The following SYT14 variants were observed in gnomAD, a reference collection of about 807,000 sequenced individuals.
SYT14 encodes the protein synaptotagmin 14, also known as synaptotagmin-14.
Under a neutral mutation model 74.2 loss-of-function variants are expected in SYT14, and 32 were observed. That is an observed-to-expected ratio of 0.43 (90% CI 0.33 to 0.58). SYT14 has a LOEUF of 0.58. Among genes scored for constraint, SYT14 ranks in the 20% least tolerant of loss-of-function variants. The pLI is 0.05. For synonymous variants in SYT14, 298 were observed against 337.7 expected (o/e 0.88, Z 1.29); for missense variants, 791 against 981.8 (o/e 0.81, Z 2.60).
chr1:210,000,159 A>G (rs1022769839), intron 2 of SYT14, among the ~76,000 whole-genome samples: 3 of 152,182 alleles, frequency 2.0e-5, no homozygotes, highest in African/African-American at 4.8e-5. Context: ...GTATATGTAT[A>G]TATTTACTGT....
At chr1:210,160,865 T>C (rs1558231235) in exon 10 of SYT14, 3 of 1,613,900 alleles carry the variant, frequency 1.9e-6, no homozygotes, top group African/African-American at 2.7e-5. Flanking sequence ...TTCAGCTTTC[T>C]GATGTGACAC....
At chr1:209,987,885 C>G (rs1189969264) in intron 2 of SYT14, among the ~76,000 whole-genome samples, 1 of 152,014 alleles carries the variant, frequency 6.6e-6, no homozygotes, top group Non-Finnish European at 1.5e-5. Context: ...CTGACTACTT[C>G]TGTTTTTATC....
Position 210,112,507 on chromosome 1 carries a change from C to T in SYT14, c.2034+12046C>T, listed in dbSNP as rs116462898. On this transcript the variant is annotated intron_variant, in intron 7 of 9. Coordinates refer to ENST00000637265, the Ensembl canonical transcript of SYT14. The stretch of plus-strand genomic sequence containing the variant: ...GGTCCAAAAACCATTTGCCTTGTGT[C>T]GGAAGAGATTGATAAGTGGAAGTTG... 8.9e-3 allele frequency among the ~76,000 whole-genome samples: 1,346 copies of T among 151,292 alleles called. 98 individuals carry two copies. The highest frequency in any genetic ancestry group is 0.032 in the African/African-American group (1,283 of 40,656).
At chr1:210,144,500 A>T (rs934948740) in intron 7 of SYT14, among the ~76,000 whole-genome samples, 1 of 151,928 alleles carries the variant, frequency 6.6e-6, no homozygotes, top group Non-Finnish European at 1.5e-5. Flanking sequence ...TTACGAGTAC[A>T]CTATATTGCC....
At chr1:209,959,147 A>C (rs963998797) in intron 2 of SYT14, among the ~76,000 whole-genome samples, 1 of 151,988 alleles carries the variant, frequency 6.6e-6, no homozygotes, top group South Asian at 2.1e-4. Context: ...TAAATTTATT[A>C]TTATTATTTT....
At chr1:210,167,785 C>T (rs1296759704) in exon 10 of SYT14, 3 of 152,058 alleles carry the variant, frequency 2.0e-5, no homozygotes, top group African/African-American at 7.2e-5. Context: ...AAAAATATTG[C>T]TCTTTTCTCT....
chr1:210,099,685 T>A (rs2082026357), intron 6 of SYT14, among the ~76,000 whole-genome samples: 2 of 152,210 alleles, frequency 1.3e-5, no homozygotes, highest in African/African-American at 4.8e-5. Flanking sequence ...AGTAGTTTTC[T>A]ACAAAAGGAG....
At chr1:209,983,403 T>C (rs764714838) in intron 2 of SYT14, among the ~76,000 whole-genome samples, 3 of 152,172 alleles carry the variant, frequency 2.0e-5, no homozygotes, top group South Asian at 2.1e-4. Context: ...CCTTCTTTTT[T>C]TCCCCCTGCT....
At chr1:210,075,806 C>T (rs1185800126) in intron 5 of SYT14, among the ~76,000 whole-genome samples, 1 of 149,724 alleles carries the variant, frequency 6.7e-6, no homozygotes, top group Non-Finnish European at 1.5e-5. Flanking sequence ...CCCAGCACTT[C>T]CCTGCCCTCC....
At chr1:210,059,451 T>TATATATATATATATATAGAGAGAGAG (rs377050610) in intron 5 of SYT14, among the ~76,000 whole-genome samples, 3 of 69,900 alleles carry the variant, frequency 4.3e-5, no homozygotes, top group African/African-American at 2.4e-4. Flanking sequence ...TATATATATA[T>TATATATATATATATATAGAGAGAGAG]AGAGAGAGAG....
At chr1:210,138,052 A>T (rs1281793536) in intron 7 of SYT14, among the ~76,000 whole-genome samples, 1 of 152,198 alleles carries the variant, frequency 6.6e-6, no homozygotes. Context: ...ACTAAATTTT[A>T]ATCTATTGGA....
chr1:210,024,005 A>G (rs1400663259), intron 5 of SYT14, among the ~76,000 whole-genome samples: 1 of 152,230 alleles, frequency 6.6e-6, no homozygotes, highest in East Asian at 1.9e-4. Flanking sequence ...GTTTTTAAGC[A>G]GGAGAGTGTG....
intron 5 of SYT14, among the ~76,000 whole-genome samples, chr1:210,074,497 C>G (rs1033159499): frequency 3.9e-5 from 6 of 152,214 alleles, no homozygotes; most frequent in Admixed American, 3.9e-4. Context: ...TGTCACCCAA[C>G]TGCTGCCCTA....
At chr1:210,085,802 A>AT (rs1279494439) in intron 5 of SYT14, among the ~76,000 whole-genome samples, 3 of 152,010 alleles carry the variant, frequency 2.0e-5, no homozygotes, top group South Asian at 4.1e-4. Flanking sequence ...TTTTGTATAG[A>AT]TTTTTTGTAT....
chr1:210,048,400 C>G (rs954400836), intron 5 of SYT14, among the ~76,000 whole-genome samples: 5 of 152,086 alleles, frequency 3.3e-5, no homozygotes, highest in African/African-American at 1.2e-4. Context: ...CTGGGGAGGC[C>G]TCATAATCAT....
intron 5 of SYT14, among the ~76,000 whole-genome samples, chr1:210,079,352 C>G (rs1048730115): frequency 6.6e-6 from 1 of 151,972 alleles, no homozygotes; most frequent in Non-Finnish European, 1.5e-5. Flanking sequence ...ACCGTTATAT[C>G]CATGTGACAA....
intron 5 of SYT14, among the ~76,000 whole-genome samples, chr1:210,059,220 C>T (rs1017443647): frequency 4.6e-5 from 7 of 151,468 alleles, no homozygotes; most frequent in Non-Finnish European, 8.8e-5. Context: ...AAATTAAGGG[C>T]AGGATGAGAG....
intron 2 of SYT14, among the ~76,000 whole-genome samples, chr1:209,999,842 A>G (rs187996967): frequency 1.6e-4 from 24 of 152,314 alleles, no homozygotes; most frequent in African/African-American, 5.3e-4. Flanking sequence ...GTTCAGTAGC[A>G]GAGCAGGGTG....
chr1:210,085,814 T>A (rs1286752310), intron 5 of SYT14, among the ~76,000 whole-genome samples: 1 of 152,204 alleles, frequency 6.6e-6, no homozygotes, highest in African/African-American at 2.4e-5. Context: ...TTTTTGTATC[T>A]GTGTTCACGG....
Sources: allele counts gnomAD v4.1 joint callset (sites outside exome capture counted in the v4.1 genomes callset), GRCh38; gene constraint gnomAD v4.1.1; transcripts MANE v1.5; gene names NCBI Gene and HGNC (gene_info 2026-07-23, HGNC 2026-07-21).